Variants in PLB1 observed in about 807,000 individuals in gnomAD.
PLB1 encodes phospholipase B1.
Under a neutral mutation model 227.4 loss-of-function variants are expected in PLB1, and 242 were observed. The observed-to-expected ratio is 1.06, with a 90% CI of 0.96 to 1.18. PLB1 has a LOEUF of 1.18. Ranked by LOEUF, PLB1 falls within the 50% of genes most tolerant of loss-of-function variation. The probability of loss-of-function intolerance (pLI) is 0.00; values close to 1 mark genes in which losing one functional copy is unlikely to be tolerated. For synonymous variants in PLB1, 757 were observed against 682.2 expected (o/e 1.11, Z -1.71); for missense variants, 1,858 against 1,816.3 (o/e 1.02, Z -0.42).
At chr2:28,570,472 A>G (rs1677819157) in intron 20 of PLB1, among the ~76,000 whole-genome samples, 2 of 145,630 alleles carry the variant, frequency 1.4e-5, no homozygotes, top group African/African-American at 4.9e-5. Context: ...ACAAAAATGT[A>G]ACACCACTTA....
chr2:28,558,319 C>T (rs1675477236), intron 17 of PLB1, among the ~76,000 whole-genome samples: 2 of 152,102 alleles, frequency 1.3e-5, no homozygotes, highest in Non-Finnish European at 2.9e-5. Context: ...CCAAGGATTT[C>T]CCCTAACATT....
chr2:28,593,947 CTTT>C (rs386389801), intron 33 of PLB1, 193 bp downstream of exon 33: 167 of 618,086 alleles, frequency 2.7e-4, no homozygotes, highest in East Asian at 7.8e-4. Flanking sequence ...TGTTGATAAT[CTTT>C]TTTTTTTTTT....
At chr2:28,538,138 C>T in intron 9 of PLB1, 181 bp from the exon 10 acceptor site, 1 of 779,052 alleles carries the variant, frequency 1.3e-6, no homozygotes, top group East Asian at 2.7e-5. Context: ...AATAGAAGAA[C>T]AAAATGAAGA....
intron 1 of PLB1, among the ~76,000 whole-genome samples, chr2:28,507,476 C>T (rs1001380488): frequency 3.9e-5 from 6 of 152,128 alleles, no homozygotes; most frequent in Non-Finnish European, 8.8e-5. Flanking sequence ...CAAAACCACT[C>T]CCACAATAAT....
At chr2:28,570,708 C>A (rs772451272) in intron 20 of PLB1, among the ~76,000 whole-genome samples, 11 of 152,164 alleles carry the variant, frequency 7.2e-5, no homozygotes, top group Admixed American at 2.0e-4. Flanking sequence ...ATAGCTTGAG[C>A]CTGGGAGGCA....
At chr2:28,540,533 T>G (rs1243818178) in intron 12 of PLB1, 92 bp downstream of exon 12, 3 of 1,068,256 alleles carry the variant, frequency 2.8e-6, no homozygotes, top group Non-Finnish European at 4.2e-6. Flanking sequence ...TAGTTGAGTT[T>G]GCTAATGTTA....
chr2:28,549,887 C>G, intron 15 of PLB1, 123 bp from the exon 16 acceptor site: 1 of 708,722 alleles, frequency 1.4e-6, no homozygotes, highest in Non-Finnish European at 2.4e-6. Flanking sequence ...TGGTTTGGTC[C>G]TCACTGGAAG....
intron 15 of PLB1, among the ~76,000 whole-genome samples, chr2:28,549,330 C>A (rs955744961): frequency 3.3e-5 from 5 of 151,210 alleles, no homozygotes; most frequent in African/African-American, 1.2e-4. Flanking sequence ...TAAATATGTG[C>A]CTAGTATGTA....
intron 20 of PLB1, among the ~76,000 whole-genome samples, chr2:28,572,144 T>C (rs11683706): frequency 0.079 from 12,001 of 152,264 alleles, 672 homozygotes; most frequent in Non-Finnish European, 0.12. Flanking sequence ...AAATGACTAG[T>C]AAGCACTTGA....
rs1682374121 is a variant in PLB1, at chr2:28,593,601, C to T, written c.2248-80C>T. On this transcript the variant is annotated intron_variant, in intron 32 of 57. Coordinates refer to ENST00000327757, the MANE Select transcript of PLB1 (RefSeq NM_153021.5). The stretch of plus-strand genomic sequence containing the variant: ...ACCACGAGTGCATTGGGAACCCCCT[C>T]TTTGGAAGCCCTGTGCATTCACAGC... The T allele has an allele frequency of 6.4e-6, 8 of 1,248,720 alleles. No individual in the cohort carries two copies. In the South Asian group the frequency reaches 1.0e-4, roughly 16 times the overall value. 77.4% of individuals were successfully genotyped at this position (1,248,720 alleles called of 1,614,324 possible). A position where few individuals can be genotyped will look rare whatever the true frequency, so the allele number is the denominator to read the frequency against.
Position 28,532,210 on chromosome 2 carries a change from G to T in PLB1, c.555+16G>T. 6.3e-7 allele frequency: 1 copy of T among 1,589,068 alleles called. No homozygotes were observed. ...TGCTCAACAGGTAAATGGCAGCCTTGGGGACCAAGGGATTACAGATGCTGG... is the reference window on the plus strand; with the variant it reads ...TGCTCAACAGGTAAATGGCAGCCTTTGGGACCAAGGGATTACAGATGCTGG... On this transcript the variant is annotated intron_variant, in intron 9 of 57. Transcript: ENST00000327757.
intron 38 of PLB1, 95 bp downstream of exon 38, chr2:28,602,059 C>T: frequency 1.6e-6 from 2 of 1,238,114 alleles, no homozygotes; most frequent in Non-Finnish European, 2.4e-6. Flanking sequence ...CCCTTTCTCT[C>T]AAGGAGACAG....
chr2:28,601,953 C>A lies in PLB1; in HGVS notation c.2662C>A (p.Leu888Met). 1 of 1,611,006 alleles carries A rather than the reference C, an allele frequency of 6.2e-7. No individual in the cohort carries two copies. The highest frequency in any genetic ancestry group is 8.5e-7 in the Non-Finnish European group (1 of 1,177,238). ...VHHLRNALDV[L>M]HREVPRVLVN... Reference sequence around the variant, plus strand: ...CCATCTCCGCAATGCCTTGGACGTCCTGCATAGAGAGGTGGGTGGGGGGCT... The same window carrying A: ...CCATCTCCGCAATGCCTTGGACGTCATGCATAGAGAGGTGGGTGGGGGGCT... Residue 888 changes from leucine to methionine, a missense_variant, in exon 38 of 58, where the codon CTG becomes ATG. Leu to Met is a conservative substitution (Grantham distance 15). Transcript: ENST00000327757.
intron 5 of PLB1, 76 bp from the exon 6 acceptor site, chr2:28,525,829 C>A: frequency 6.4e-7 from 1 of 1,561,330 alleles, no homozygotes; most frequent in Non-Finnish European, 8.8e-7. Context: ...ATGAAATAGA[C>A]CACAGCCAAG....
In PLB1 at chr2:28,526,871, C is replaced by A. The variant is rs548499372; in HGVS notation, c.325+926C>A. Reference sequence around the variant, plus strand: ...TGAACAGGATGCTGGCCCTGCCTTACAGAACTCATGGTCCAGCAGGGAAGG... The same window carrying A: ...TGAACAGGATGCTGGCCCTGCCTTAAAGAACTCATGGTCCAGCAGGGAAGG... On this transcript the variant is annotated intron_variant, in intron 6 of 57. Coordinates refer to ENST00000327757, the MANE Select transcript of PLB1 (RefSeq NM_153021.5). Among the ~76,000 whole-genome samples the A allele has an allele frequency of 5.3e-5, 8 of 152,290 alleles. No individual in the cohort carries two copies. In the South Asian group the frequency reaches 1.7e-3, roughly 32 times the overall value.
rs1044045496 is a variant in PLB1 at position 28,589,932 on chromosome 2, C to T, written c.2017-73C>T. 3.4e-6 allele frequency: 5 copies of T among 1,463,280 alleles called. No homozygotes were observed. In the African/African-American group the frequency reaches 5.6e-5, roughly 16 times the overall value. 90.6% of individuals were successfully genotyped at this position (1,463,280 alleles called of 1,614,324 possible). The stretch of plus-strand genomic sequence containing the variant: ...TTCATCCCTCCCTGCCTCCCGCACC[C>T]CTGACCTGCGTCCTGAGCTTTCCAT... On this transcript the variant is annotated intron_variant, in intron 28 of 57. Coordinates refer to ENST00000327757, the MANE Select transcript of PLB1 (RefSeq NM_153021.5).
intron 46 of PLB1, 124 bp downstream of exon 46, chr2:28,618,523 C>T: frequency 1.0e-6 from 1 of 962,490 alleles, no homozygotes; most frequent in South Asian, 1.5e-5. Flanking sequence ...AGGGCCTACC[C>T]ATGTCAGGCA....
Position 28,532,154 on chromosome 2 carries a change from G to A in PLB1, c.515G>A (p.Ser172Asn), listed in dbSNP as rs746840393. 2.2e-4 allele frequency: 348 copies of A among 1,613,270 alleles called. No individual in the cohort carries two copies. Among genetic ancestry groups the A allele is most frequent in the Non-Finnish European group, 2.4e-4 (285 of 1,179,768 alleles). The change falls in exon 9 of 58, where the codon AGT (serine) becomes AAT (asparagine). Residue 172 changes from serine to asparagine, a missense_variant. By Grantham distance (46) the Ser-to-Asn change is conservative. Transcript: ENST00000327757. The part of the protein sequence containing the change: ...FDWKLINVFF[S>N]NASQCYLCPS... ...TGGAAGCTCATCAATGTGTTCTTCAGTAATGCAAGCCAGTGTTACCTGTGC... is the reference window on the plus strand; with the variant it reads ...TGGAAGCTCATCAATGTGTTCTTCAATAATGCAAGCCAGTGTTACCTGTGC...
chr2:28,604,834 G>A (rs537095148), intron 41 of PLB1, 75 bp downstream of exon 41: 44 of 1,330,004 alleles, frequency 3.3e-5, no homozygotes, highest in South Asian at 1.6e-4. Flanking sequence ...TTGCTTCCAC[G>A]AGCATGTGCA....
Sources: allele counts gnomAD v4.1 joint callset (sites outside exome capture counted in the v4.1 genomes callset), GRCh38; gene constraint gnomAD v4.1.1; transcripts MANE v1.5; gene names NCBI Gene and HGNC (gene_info 2026-07-23, HGNC 2026-07-21).